The following HIP1 variants were observed in gnomAD, a reference collection of about 807,000 sequenced individuals.
The protein encoded by HIP1 is huntingtin interacting protein 1, also known as huntingtin-interacting protein 1.
In HIP1, 65 loss-of-function variants were observed where a neutral mutation model predicts 147.6. The ratio of observed to expected loss-of-function variants is 0.44; its 90% CI spans 0.36 to 0.54. The LOEUF (loss-of-function observed/expected upper bound fraction) is 0.54. Ranked by LOEUF, HIP1 falls within the 20% of genes least tolerant of loss-of-function variation. The pLI, the probability that HIP1 is intolerant of heterozygous loss-of-function variation, is 0.00. For missense variants in HIP1, 1,061 were observed against 1,299.6 expected (o/e 0.82, Z 2.82); for synonymous variants, 479 against 504.0 (o/e 0.95, Z 0.67).
chr7:75,555,871 C>A (rs1554493146), intron 18 of HIP1, among the ~76,000 whole-genome samples, 155 bp downstream of exon 18: 1 of 152,192 alleles, frequency 6.6e-6, no homozygotes, highest in African/African-American at 2.4e-5. Flanking sequence ...CAATGCAGGG[C>A]CTGCTGGCAT....
At chr7:75,703,402 G>A (rs1438745567) in intron 1 of HIP1, among the ~76,000 whole-genome samples, 1 of 152,092 alleles carries the variant, frequency 6.6e-6, no homozygotes, top group African/African-American at 2.4e-5. Flanking sequence ...CCAGCACTTC[G>A]GGAAGCCGAG....
At chr7:75,641,386 G>GTGCTGGGA (rs1240248187) in intron 1 of HIP1, among the ~76,000 whole-genome samples, 6 of 152,078 alleles carry the variant, frequency 3.9e-5, no homozygotes, top group African/African-American at 1.4e-4. Flanking sequence ...GCCTCCCAAA[G>GTGCTGGGA]TGCTGGGATT....
At chr7:75,542,016 C>T in intron 28 of HIP1, 36 bp from the exon 29 acceptor site, 1 of 1,578,992 alleles carries the variant, frequency 6.3e-7, no homozygotes, top group South Asian at 1.1e-5. Context: ...TCATCAAATT[C>T]TACCCTGGCT....
intron 1 of HIP1, among the ~76,000 whole-genome samples, chr7:75,716,704 TAG>T (rs1465851106): frequency 1.3e-5 from 2 of 150,732 alleles, no homozygotes; most frequent in African/African-American, 4.9e-5. Flanking sequence ...GTATTTTTAG[TAG>T]AGACAGGGTT....
intron 1 of HIP1, among the ~76,000 whole-genome samples, chr7:75,633,962 A>G (rs1443778984): frequency 6.6e-6 from 1 of 152,096 alleles, no homozygotes; most frequent in Non-Finnish European, 1.5e-5. Context: ...AAACAGCTAT[A>G]GGGCTATAGG....
In HIP1 at chr7:75,630,196, T is replaced by C. The variant is rs145784085; in HGVS notation, c.121-30949A>G. Among the ~76,000 whole-genome samples the C allele has an allele frequency of 4.0e-3, 615 of 152,148 alleles. 9 individuals carry two copies. Among genetic ancestry groups the C allele is most frequent in the African/African-American group, 6.9e-3 (287 of 41,512 alleles). On this transcript the variant is annotated intron_variant, in intron 1 of 30. Coordinates refer to ENST00000336926, the MANE Select transcript of HIP1 (RefSeq NM_005338.7). ...GAAAAAAAGCCAGCACAGTGGCTCA[T>C]GCCTATAATCTCAGCACTTTGGGAG...
intron 1 of HIP1, among the ~76,000 whole-genome samples, chr7:75,637,536 ATTTTTTT>A (rs869251770): frequency 7.3e-4 from 52 of 70,890 alleles, no homozygotes; most frequent in South Asian, 2.9e-3. Flanking sequence ...TGCAGAGAGG[ATTTTTTT>A]TTTTTTTTTT....
chr7:75,592,582 C>T, intron 2 of HIP1, 68 bp from the exon 3 acceptor site: 1 of 1,491,156 alleles, frequency 6.7e-7, no homozygotes, highest in African/African-American at 1.4e-5. Context: ...AGCCTGCACC[C>T]AGCCACTGCA....
chr7:75,614,507 G>A (rs1187205329), intron 1 of HIP1, among the ~76,000 whole-genome samples: 1 of 125,688 alleles, frequency 8.0e-6, no homozygotes, highest in Non-Finnish European at 1.9e-5. Context: ...GAAGTGCTCA[G>A]AATGGGCAGA....
intron 1 of HIP1, among the ~76,000 whole-genome samples, chr7:75,647,039 G>C (rs997888532): frequency 2.0e-5 from 3 of 151,812 alleles, no homozygotes; most frequent in Admixed American, 6.6e-5. Context: ...TAGAGGCTCC[G>C]AGTACCCCTC....
intron 1 of HIP1, among the ~76,000 whole-genome samples, chr7:75,649,809 T>A (rs1798914626): frequency 6.6e-6 from 1 of 152,136 alleles, no homozygotes; most frequent in Non-Finnish European, 1.5e-5. Context: ...ACACGGGGAA[T>A]TTCCAAGCTC....
At chr7:75,684,663 T>C (rs889742600) in intron 1 of HIP1, among the ~76,000 whole-genome samples, 12 of 152,220 alleles carry the variant, frequency 7.9e-5, no homozygotes, top group East Asian at 3.9e-4. Flanking sequence ...CTCACATAGA[T>C]GAACACTTAG....
chr7:75,628,634 G>A (rs1267039088), intron 1 of HIP1, among the ~76,000 whole-genome samples: 3 of 151,982 alleles, frequency 2.0e-5, no homozygotes, highest in Non-Finnish European at 4.4e-5. Flanking sequence ...ACGTGCTGCC[G>A]CACCCGGCTA....
intron 1 of HIP1, among the ~76,000 whole-genome samples, chr7:75,717,984 A>T (rs898649529): frequency 6.6e-6 from 1 of 151,738 alleles, no homozygotes; most frequent in Non-Finnish European, 1.5e-5. Context: ...AAGAAAAAAA[A>T]AAAAAGAATT....
intron 1 of HIP1, among the ~76,000 whole-genome samples, chr7:75,674,467 A>G (rs1468210735): frequency 2.7e-5 from 4 of 150,824 alleles, no homozygotes; most frequent in Admixed American, 1.3e-4. Flanking sequence ...TGAATATATC[A>G]TCTCACTGGC....
intron 1 of HIP1, among the ~76,000 whole-genome samples, chr7:75,602,653 C>A (rs587736360): frequency 2.0e-5 from 3 of 151,906 alleles, no homozygotes; most frequent in South Asian, 4.2e-4. Flanking sequence ...CAGGCGCCTG[C>A]CACCACGCCC....
At chr7:75,738,048 C>T (rs1310082199) in intron 1 of HIP1, among the ~76,000 whole-genome samples, 2 of 152,150 alleles carry the variant, frequency 1.3e-5, no homozygotes, top group Non-Finnish European at 2.9e-5. Flanking sequence ...ATTTTGGCCC[C>T]AAGCCCTGGC....
At chr7:75,577,787 G>A (rs1208658542) in intron 7 of HIP1, among the ~76,000 whole-genome samples, 1 of 152,032 alleles carries the variant, frequency 6.6e-6, no homozygotes, top group Non-Finnish European at 1.5e-5. Flanking sequence ...ATCACTTGAG[G>A]CCAGGAGTTC....
chr7:75,635,114 C>T (rs183288675), intron 1 of HIP1, among the ~76,000 whole-genome samples: 5 of 152,078 alleles, frequency 3.3e-5, no homozygotes, highest in Non-Finnish European at 5.9e-5. Flanking sequence ...AAAGGCACAC[C>T]CTCCATCATC....
Sources: allele counts gnomAD v4.1 joint callset (sites outside exome capture counted in the v4.1 genomes callset), GRCh38; gene constraint gnomAD v4.1.1; transcripts MANE v1.5; gene names NCBI Gene and HGNC (gene_info 2026-07-23, HGNC 2026-07-21).